PRKN: variants seen among roughly 807,000 people sequenced by gnomAD.
PRKN encodes the protein E3 ubiquitin-protein ligase parkin.
A neutral mutation model predicts 59.5 loss-of-function variants in PRKN; 56 were observed. That is an observed-to-expected ratio of 0.94 (90% CI 0.76 to 1.18). The LOEUF is 1.18. Among genes scored for constraint, PRKN ranks in the 50% most tolerant of loss-of-function variants. The pLI is 0.00. For synonymous variants in PRKN, 250 were observed against 222.1 expected, an observed-to-expected ratio of 1.13 and a Z score of -1.12; for missense variants, 657 against 596.4, an observed-to-expected ratio of 1.10 and a Z score of -1.06.
intron 1 of PRKN, among the ~76,000 whole-genome samples, chr6:162,528,582 C>T (rs574529541): frequency 6.6e-6 from 1 of 152,116 alleles, no homozygotes; most frequent in Admixed American, 6.5e-5. Context: ...GTACGCAACA[C>T]CACAGAAAAG....
intron 2 of PRKN, among the ~76,000 whole-genome samples, chr6:162,338,272 TACGGTCTCCCTCTCTTTCC>T (rs1393848757): frequency 1.3e-5 from 2 of 152,236 alleles, no homozygotes; most frequent in Admixed American, 6.5e-5. Flanking sequence ...TCCCTCTCCC[TACGGTCTCCCTCTCTTTCC>T]ACGGTCTCCC....
chr6:162,454,386 G>A (rs941855966), intron 1 of PRKN, among the ~76,000 whole-genome samples: 3 of 152,090 alleles, frequency 2.0e-5, no homozygotes, highest in Admixed American at 1.3e-4. Flanking sequence ...TGTTTAAATA[G>A]AGCTCTCAAT....
At chr6:162,110,664 T>C (rs533869449) in intron 4 of PRKN, among the ~76,000 whole-genome samples, 31 of 152,276 alleles carry the variant, frequency 2.0e-4, no homozygotes, top group African/African-American at 7.5e-4. Flanking sequence ...ACATCTTGTC[T>C]ACTAATTGCA....
chr6:162,249,444 C>G (rs759649901), intron 3 of PRKN, among the ~76,000 whole-genome samples: 4 of 152,130 alleles, frequency 2.6e-5, no homozygotes, highest in African/African-American at 7.2e-5. Context: ...TGACGAGACA[C>G]GTAGCTAGTG....
intron 7 of PRKN, among the ~76,000 whole-genome samples, chr6:161,571,235 G>T (rs1421608781): frequency 5.3e-5 from 8 of 152,316 alleles, no homozygotes; most frequent in African/African-American, 1.9e-4. Flanking sequence ...GTGAGCCACT[G>T]TAACTGGCTT....
At chr6:162,074,634 A>T (rs1344715733) in intron 4 of PRKN, among the ~76,000 whole-genome samples, 3 of 151,516 alleles carry the variant, frequency 2.0e-5, no homozygotes, top group Non-Finnish European at 2.9e-5. Flanking sequence ...TATATATATA[A>T]AAAAAAGTCA....
At chr6:161,781,370 A>G (rs1294175200) in intron 7 of PRKN, among the ~76,000 whole-genome samples, 1 of 152,216 alleles carries the variant, frequency 6.6e-6, no homozygotes, top group Non-Finnish European at 1.5e-5. Context: ...TTTGCAACGC[A>G]ACATCTTTCC....
intron 7 of PRKN, among the ~76,000 whole-genome samples, chr6:161,617,945 G>A (rs1229646856): frequency 1.3e-5 from 2 of 152,194 alleles, no homozygotes; most frequent in African/African-American, 2.4e-5. Flanking sequence ...AAGACTGTGA[G>A]AAAGTAAAAT....
chr6:162,647,960 A>C (rs1333035620), intron 1 of PRKN, among the ~76,000 whole-genome samples: 16 of 149,144 alleles, frequency 1.1e-4, no homozygotes, highest in East Asian at 8.0e-4. Context: ...AAAAAAAAAA[A>C]AAAAAAAAAA....
chr6:161,579,024 CAT>C lies in PRKN; in HGVS notation c.872-9610_872-9609del, dbSNP rs993520038. Among the ~76,000 whole-genome samples the C allele has an allele frequency of 2.6e-5, 4 of 152,198 alleles. No individual in the cohort carries two copies. The highest frequency in any genetic ancestry group is 9.6e-5 in the African/African-American group (4 of 41,468). The stretch of plus-strand genomic sequence containing the variant: ...ACAAATTTAATTTGGCTGGTCAACA[CAT>C]GAGTGGCCACTGGGAATGGGAGGCT... On this transcript the variant is annotated intron_variant, in intron 7 of 11. Coordinates refer to ENST00000366898, the MANE Select transcript of PRKN (RefSeq NM_004562.3). This position sits in a 1 kb window ranked among gnomAD's most constrained non-coding sequence, Gnocchi z 4.2.
chr6:162,684,761 C>T (rs1313288142), intron 1 of PRKN, among the ~76,000 whole-genome samples: 1 of 151,896 alleles, frequency 6.6e-6, no homozygotes, highest in African/African-American at 2.4e-5. Context: ...CAAAACAAAA[C>T]CAGAAAAAAT....
At chr6:162,068,032 G>T (rs1645408753) in intron 4 of PRKN, among the ~76,000 whole-genome samples, 3 of 152,118 alleles carry the variant, frequency 2.0e-5, no homozygotes, top group African/African-American at 7.2e-5. Flanking sequence ...CGTCATGTCA[G>T]GATGGTGGAC....
At chr6:161,888,218 T>A (rs1482865553) in intron 6 of PRKN, among the ~76,000 whole-genome samples, 1 of 152,158 alleles carries the variant, frequency 6.6e-6, no homozygotes, top group Non-Finnish European at 1.5e-5. Flanking sequence ...TCCTTCCATT[T>A]GGGGGTATTA....
At chr6:161,464,523 G>T (rs1302256703) in intron 9 of PRKN, among the ~76,000 whole-genome samples, 3 of 152,070 alleles carry the variant, frequency 2.0e-5, no homozygotes, top group Non-Finnish European at 4.4e-5. Flanking sequence ...CTACAATCAG[G>T]ATGTATTTTA....
At chr6:162,266,341 T>A (rs990243374) in intron 2 of PRKN, 3 of 152,898 alleles carry the variant, frequency 2.0e-5, no homozygotes, top group African/African-American at 7.3e-5. Context: ...TGTGTCTGTG[T>A]CTGAGTCTTA....
At chr6:162,174,607 T>C (rs2128320817) in intron 4 of PRKN, among the ~76,000 whole-genome samples, 1 of 152,342 alleles carries the variant, frequency 6.6e-6, no homozygotes, top group Non-Finnish European at 1.5e-5. Context: ...TATAATCATT[T>C]ATCCAAATCA....
intron 6 of PRKN, among the ~76,000 whole-genome samples, chr6:161,888,304 T>G (rs2128231343): frequency 6.6e-6 from 1 of 152,290 alleles, no homozygotes. Context: ...CCATTCATGT[T>G]AACAGCTTCT....
intron 4 of PRKN, among the ~76,000 whole-genome samples, chr6:162,070,758 T>C (rs1778540638): frequency 1.3e-5 from 2 of 152,044 alleles, no homozygotes; most frequent in African/African-American, 4.8e-5. Flanking sequence ...CACAATAGAG[T>C]TCTTGCTCCT....
At chr6:162,379,892 C>T (rs1374984759) in intron 2 of PRKN, among the ~76,000 whole-genome samples, 1 of 152,138 alleles carries the variant, frequency 6.6e-6, no homozygotes, top group Non-Finnish European at 1.5e-5. Context: ...AGCTGATGAA[C>T]ATGCCGGCAG....
Sources: allele counts gnomAD v4.1 joint callset (sites outside exome capture counted in the v4.1 genomes callset), GRCh38; gene constraint gnomAD v4.1.1; non-coding constraint Gnocchi (gnomAD v3.1); transcripts MANE v1.5; gene names NCBI Gene and HGNC (gene_info 2026-07-23, HGNC 2026-07-21).